Variants in CNTRL observed in about 807,000 individuals in gnomAD.
CNTRL encodes the protein 110 kDa centrosomal protein.
A neutral mutation model predicts 303.7 loss-of-function variants in CNTRL; 233 were observed. The observed-to-expected ratio is 0.77, with a 90% CI of 0.69 to 0.86. CNTRL has a LOEUF of 0.86. CNTRL is among the 40% of genes least tolerant of loss of function. The pLI is 0.00. For synonymous variants in CNTRL, 900 were observed against 922.2 expected, an observed-to-expected ratio of 0.98 and a Z score of 0.44; for missense variants, 2,524 against 2,650.6, an observed-to-expected ratio of 0.95 and a Z score of 1.05.
At chr9:121,165,350 GAACAATTTTAA>G (rs1764131660) in intron 35 of CNTRL, among the ~76,000 whole-genome samples, 1 of 151,862 alleles carries the variant, frequency 6.6e-6, no homozygotes, top group South Asian at 2.1e-4. Flanking sequence ...GTTCCTTAGA[GAACAATTTTAA>G]AACAGCAAAA....
chr9:121,140,210 T>C (rs554366914), intron 16 of CNTRL, among the ~76,000 whole-genome samples: 18 of 152,364 alleles, frequency 1.2e-4, no homozygotes, highest in South Asian at 4.1e-4. Flanking sequence ...TAACATATTT[T>C]CAGGTCCAGC....
intron 3 of CNTRL, 26 bp from the exon 4 acceptor site, chr9:121,090,246 CTGA>C (rs2048506590): frequency 6.4e-7 from 1 of 1,564,690 alleles, no homozygotes; most frequent in Admixed American, 1.9e-5. Flanking sequence ...CTTTCCTCTA[CTGA>C]TGATGATCTG....
chr9:121,172,325 C>T (rs1276722535), intron 40 of CNTRL, among the ~76,000 whole-genome samples: 1 of 152,146 alleles, frequency 6.6e-6, no homozygotes, highest in Non-Finnish European at 1.5e-5. Context: ...TCTCAGGCAT[C>T]AAATGCAGTT....
In CNTRL at chr9:121,167,660, C is replaced by G. The variant is rs377475181; in HGVS notation, c.5827C>G (p.Leu1943Val). 1 of 1,613,884 alleles carries G rather than the reference C, an allele frequency of 6.2e-7. No homozygotes were observed. The highest frequency in any genetic ancestry group is 8.5e-7 in the Non-Finnish European group (1 of 1,179,866). The change falls in exon 37 of 44, where the codon CTA becomes GTA. Residue 1943 changes from leucine (L) to valine (V), a missense_variant. Leu to Val is a conservative substitution (Grantham distance 32, BLOSUM62 1). Coordinates refer to ENST00000373855, the MANE Select transcript of CNTRL (RefSeq NM_007018.6). ...QNEIEENKLK[L>V]VQQEMMFQRL... is the part of the protein sequence containing the mutation. ...TGAGATTGAAGAAAACAAGCTCAAA[C>G]TAGTCCAACAAGAAATGGTACTACA...
In CNTRL at chr9:121,138,642, A is replaced by G; in HGVS notation, c.2300A>G (p.Glu767Gly). 1 of 1,614,002 alleles carries G rather than the reference A, an allele frequency of 6.2e-7. No individual in the cohort carries two copies. The highest frequency in any genetic ancestry group is 8.5e-7 in the Non-Finnish European group (1 of 1,179,852). ...CAGTTCTCAGAAGAAAAGGAGCAAGAGAACAGTGAGCTCCATGCAAAACTT... is the reference window on the plus strand; with the variant it reads ...CAGTTCTCAGAAGAAAAGGAGCAAGGGAACAGTGAGCTCCATGCAAAACTT... ...KAQFSEEKEQ[E>G]NSELHAKLKH... Residue 767 changes from glutamate (E) to glycine (G), a missense_variant, in exon 16 of 44, where the codon GAG becomes GGG. Glu to Gly is a moderately conservative substitution (Grantham distance 98). Transcript: ENST00000373855.
chr9:121,154,707 A>G lies in CNTRL; in HGVS notation c.4173-14A>G, dbSNP rs949622205. On this transcript the variant is annotated splice_polypyrimidine_tract_variant and intron_variant, in intron 26 of 43. Coordinates refer to ENST00000373855, the MANE Select transcript of CNTRL (RefSeq NM_007018.6). ...ATTTAACATTTTTTAATGGGTGTAT[A>G]TATTATTTTTTAGGGACTTCATTGA... 1 of 1,503,582 alleles carries G rather than the reference A, an allele frequency of 6.7e-7. No individual in the cohort carries two copies. The highest frequency in any genetic ancestry group is 9.2e-7 in the Non-Finnish European group (1 of 1,082,058). The allele number at this position is 1,503,582 out of a possible 1,614,324, so 93.1% of individuals were successfully genotyped here. A position where few individuals can be genotyped will look rare whatever the true frequency, so the allele number is the denominator to read the frequency against.
intron 19 of CNTRL, 74 bp from the exon 20 acceptor site, chr9:121,143,829 C>T: frequency 2.5e-6 from 3 of 1,203,708 alleles, no homozygotes; most frequent in Non-Finnish European, 3.5e-6. Flanking sequence ...GAGTCCCTAC[C>T]CTCCTGGAGC....
chr9:121,098,703 T>C (rs1025630651), intron 7 of CNTRL, 131 bp downstream of exon 7: 11 of 674,726 alleles, frequency 1.6e-5, no homozygotes, highest in Non-Finnish European at 2.7e-5. Flanking sequence ...CATAAATCAA[T>C]TCAACAAATA....
At chr9:121,135,276 T>C (rs1206182103) in intron 14 of CNTRL, among the ~76,000 whole-genome samples, 1 of 152,200 alleles carries the variant, frequency 6.6e-6, no homozygotes, top group East Asian at 1.9e-4. Flanking sequence ...TATGGTTTAA[T>C]AGAGAGAGTA....
At chr9:121,124,411 G>A (rs1564235730) in intron 13 of CNTRL, among the ~76,000 whole-genome samples, 1 of 152,108 alleles carries the variant, frequency 6.6e-6, no homozygotes, top group Non-Finnish European at 1.5e-5. Context: ...TTGGCATCAG[G>A]GAATTCAGTG....
Position 121,135,825 on chromosome 9 carries a change from G to A in CNTRL, c.2045G>A (p.Ser682Asn), listed in dbSNP as rs918653893. ...TTCTAGGAGCTTGCAGAGCTAGAAA[G>A]TGCCCTCCAAGAGCAGCATGAGGTG... ...NMRKELAELE[S>N]ALQEQHEVNA... Residue 682 changes from serine (S) to asparagine (N), a missense_variant, in exon 15 of 44, where the codon AGT becomes AAT. Coordinates refer to ENST00000373855, the MANE Select transcript of CNTRL (RefSeq NM_007018.6). The A allele has an allele frequency of 2.5e-6, 4 of 1,612,686 alleles. No individual in the cohort carries two copies. Among genetic ancestry groups the A allele is most frequent in the Admixed American group, 3.3e-5 (2 of 59,828 alleles).
At chr9:121,103,301 G>T (rs1025127878) in intron 7 of CNTRL, among the ~76,000 whole-genome samples, 5 of 152,118 alleles carry the variant, frequency 3.3e-5, no homozygotes, top group African/African-American at 9.7e-5. Flanking sequence ...AATGGGGAAG[G>T]GATTCCCTAT....
chr9:121,159,149 T>C, intron 31 of CNTRL, 130 bp downstream of exon 31: 1 of 907,006 alleles, frequency 1.1e-6, no homozygotes, highest in Non-Finnish European at 1.7e-6. Flanking sequence ...GTAAAATCAG[T>C]TTGGTGTTGT....
Position 121,164,947 on chromosome 9 carries a change from T to G in CNTRL, c.5428T>G (p.Leu1810Val). ...EKKLAQTKRV[L>V]AAAEENSKME... ...CTGACTTACTCTCTGTGGTAGGGTT[T>G]TAGCAGCAGCAGAAGAAAATAGCAA... is the stretch of plus-strand genomic sequence containing the variant. The change falls in exon 35 of 44, where the codon TTA (leucine) becomes GTA (valine). Residue 1810 changes from leucine to valine, a missense_variant. By Grantham distance (32) the Leu-to-Val change is conservative (BLOSUM62 1). Transcript: ENST00000373855. 6.2e-7 allele frequency: 1 copy of G among 1,611,054 alleles called. No homozygotes were observed. Among genetic ancestry groups the G allele is most frequent in the Non-Finnish European group, 8.5e-7 (1 of 1,179,110 alleles).
intron 2 of CNTRL, 104 bp from the exon 3 acceptor site, chr9:121,088,192 A>G (rs2132242087): frequency 3.2e-6 from 2 of 631,048 alleles, no homozygotes; most frequent in Non-Finnish European, 5.5e-6. Context: ...CCTAGCATTT[A>G]TGGCCTCTGA....
chr9:121,103,503 T>A (rs969542926), intron 7 of CNTRL, among the ~76,000 whole-genome samples: 24 of 152,070 alleles, frequency 1.6e-4, no homozygotes, highest in African/African-American at 5.6e-4. Flanking sequence ...GGACTTCATG[T>A]CTAAAACACC....
intron 10 of CNTRL, among the ~76,000 whole-genome samples, 172 bp from the exon 11 acceptor site, chr9:121,114,915 TAATA>T (rs1177663038): frequency 6.6e-6 from 1 of 152,206 alleles, no homozygotes. Flanking sequence ...TTCTAGAGAT[TAATA>T]AATAGACAAA....
At chr9:121,143,515 T>C (rs2051647486) in intron 19 of CNTRL, among the ~76,000 whole-genome samples, 1 of 152,220 alleles carries the variant, frequency 6.6e-6, no homozygotes, top group Non-Finnish European at 1.5e-5. Flanking sequence ...ATGATTTGCC[T>C]CTGTTTAGAT....
At position 121,150,414 on chromosome 9, in the gene CNTRL, C is replaced by A; in HGVS notation, c.3894C>A (p.Pro1298=). ...AGAPMVYGPP[P]PNFSIPFIPM... is the part of the protein sequence containing the mutation. ...CCCCCATGGTGTATGGGCCTCCACC[C>A]CCCAACTTCTCCATCCCCTTCATCC... is the stretch of plus-strand genomic sequence containing the variant. Residue 1298 remains proline, a synonymous_variant, in exon 25 of 44, where the codon CCC becomes CCA. Transcript: ENST00000373855. 6.2e-7 allele frequency: 1 copy of A among 1,614,198 alleles called. No individual in the cohort carries two copies. The highest frequency in any genetic ancestry group is 8.5e-7 in the Non-Finnish European group (1 of 1,180,040).
Sources: gnomAD v4.1 joint callset for allele counts (sites outside exome capture counted in the v4.1 genomes callset) on GRCh38, gnomAD v4.1.1 for gene constraint, MANE v1.5 for transcripts, NCBI Gene and HGNC (gene_info 2026-07-23, HGNC 2026-07-21) for gene names.